Variants in AGAP1 observed in about 807,000 individuals in gnomAD.
The protein encoded by AGAP1 is arf-GAP with GTPase, ANK repeat and PH domain-containing protein 1.
In AGAP1, 29 loss-of-function variants were observed where a neutral mutation model predicts 105.3. That is an observed-to-expected ratio of 0.28 (90% confidence interval 0.21 to 0.38). The LOEUF (loss-of-function observed/expected upper bound fraction) is 0.38. Ranked by LOEUF, AGAP1 falls within the 10% of genes least tolerant of loss-of-function variation. The pLI is 1.00. For synonymous variants in AGAP1, 509 were observed against 485.9 expected (o/e 1.05, Z -0.63); for missense variants, 998 against 1,165.1 (o/e 0.86, Z 2.09).
Position 235,599,259 on chromosome 2 carries a change from G to A in AGAP1, c.163+104410G>A, listed in dbSNP as rs1486347165. ...ACAGCTGTTCATTTCGGTGGCCGAG[G>A]GCCTGTGGGCTGCAGTACGTTTACA... On this transcript the variant is annotated intron_variant, in intron 1 of 17. Transcript: ENST00000304032. This position sits in a 1 kb window ranked among gnomAD's most constrained non-coding sequence, Gnocchi z 5.3. 1.3e-5 allele frequency among the ~76,000 whole-genome samples: 2 copies of A among 152,112 alleles called. No homozygotes were observed. Among genetic ancestry groups the A allele is most frequent in the African/African-American group, 4.8e-5 (2 of 41,412 alleles).
chr2:235,671,432 G>C lies in AGAP1; in HGVS notation c.164-37747G>C, dbSNP rs562639053. On this transcript the variant is annotated intron_variant, in intron 1 of 17. Transcript: ENST00000304032. ...CCGCCCCAGGGAGCCGAGGCTCGCC[G>C]GTCGCCGCCGCACAGGTGCGGCTGC... Among the ~76,000 whole-genome samples the C allele has an allele frequency of 3.9e-3, 590 of 152,290 alleles. 3 individuals carry two copies. The highest frequency in any genetic ancestry group is 0.013 in the African/African-American group (548 of 41,572).
intron 1 of AGAP1, among the ~76,000 whole-genome samples, chr2:235,528,694 G>A (rs926631592): frequency 1.8e-4 from 28 of 152,082 alleles, no homozygotes; most frequent in Admixed American, 1.4e-3. Context: ...TTTGTTTTGA[G>A]AAGACGGAGT....
Position 235,799,509 on chromosome 2 carries a change from C to A in AGAP1, c.944C>A (p.Ser315Tyr). 6.2e-7 allele frequency: 1 copy of A among 1,614,122 alleles called. No individual in the cohort carries two copies. Among genetic ancestry groups the A allele is most frequent in the Non-Finnish European group, 8.5e-7 (1 of 1,179,978 alleles). The change falls in exon 8 of 18, where the codon TCC becomes TAC. Residue 315 changes from serine to tyrosine, a missense_variant. Coordinates refer to ENST00000304032, the MANE Select transcript of AGAP1 (RefSeq NM_001037131.3). The surrounding 1 kb of genome is among the most constrained non-coding windows in gnomAD (Gnocchi z 5.0). Reference sequence around the variant, plus strand: ...GTTCGCAAGCAGTCTAAGCGCCGGTCCAACCTGTTCACCGTGAGTGTCAAC... The same window carrying A: ...GTTCGCAAGCAGTCTAAGCGCCGGTACAACCTGTTCACCGTGAGTGTCAAC... ...TPVRKQSKRR[S>Y]NLFTSRKGSD...
Position 235,578,800 on chromosome 2 carries a change from A to AAT in AGAP1, c.163+83951_163+83952insAT, listed in dbSNP as rs367778173. On this transcript the variant is annotated intron_variant, in intron 1 of 17. Transcript: ENST00000304032. The surrounding 1 kb of genome is among the most constrained non-coding windows in gnomAD (Gnocchi z 4.9). ...ACTCAGTCTCAAAAAAAAAAAAAAA[A>AAT]TTTTTTTTTTACAATAAGCTATTTA... is the stretch of plus-strand genomic sequence containing the variant. Among the ~76,000 whole-genome samples, 347 of 139,784 alleles carry AAT rather than the reference A, an allele frequency of 2.5e-3. 7 individuals are homozygous for AAT. The East Asian group carries it at 0.046, about 19-fold the overall frequency. The allele number at this position is 139,784 out of a possible 152,430, so 91.7% of individuals were successfully genotyped here.
rs1033262797 is a variant in AGAP1, at chr2:235,883,856, G to A, written c.1155+407G>A. ...GAAAAGCTGTGAACAATAATCAGAA[G>A]TCAAATGCAATTCATGACTCAGCTT... is the stretch of plus-strand genomic sequence containing the variant. On this transcript the variant is annotated intron_variant, in intron 10 of 17. Coordinates refer to ENST00000304032, the MANE Select transcript of AGAP1 (RefSeq NM_001037131.3). This position sits in a 1 kb window ranked among gnomAD's most constrained non-coding sequence, Gnocchi z 4.5. 6.6e-6 allele frequency among the ~76,000 whole-genome samples: 1 copy of A among 152,174 alleles called. No homozygotes were observed. Among genetic ancestry groups the A allele is most frequent in the African/African-American group, 2.4e-5 (1 of 41,448 alleles).
chr2:236,063,970 G>A (rs758680162), intron 16 of AGAP1, among the ~76,000 whole-genome samples: 13 of 152,178 alleles, frequency 8.5e-5, no homozygotes, highest in Admixed American at 2.0e-4. Flanking sequence ...AAATGACCCT[G>A]GAGGATACAT....
intron 10 of AGAP1, among the ~76,000 whole-genome samples, chr2:235,898,276 A>G (rs918373125): frequency 2.6e-5 from 4 of 152,168 alleles, no homozygotes; most frequent in Non-Finnish European, 5.9e-5. Flanking sequence ...AGCAAAGGGA[A>G]CGGGGCCTTT....
At position 235,716,492 on chromosome 2, in the gene AGAP1, G is replaced by A. The variant is rs990938909; in HGVS notation, c.223-1065G>A. Among the ~76,000 whole-genome samples the A allele has an allele frequency of 9.9e-5, 15 of 152,144 alleles. No individual in the cohort carries two copies. The highest frequency in any genetic ancestry group is 3.6e-4 in the African/African-American group (15 of 41,420). ...AGGAGGGAGGTCAACAAGTGGAACCGAGAGCAAGCGGGGTGAGTCCCAGCT... is the reference window on the plus strand; with the variant it reads ...AGGAGGGAGGTCAACAAGTGGAACCAAGAGCAAGCGGGGTGAGTCCCAGCT... On this transcript the variant is annotated intron_variant, in intron 2 of 17. Transcript: ENST00000304032. This position sits in a 1 kb window ranked among gnomAD's most constrained non-coding sequence, Gnocchi z 4.0.
At chr2:235,682,551 G>A (rs1949136155) in intron 1 of AGAP1, among the ~76,000 whole-genome samples, 2 of 151,724 alleles carry the variant, frequency 1.3e-5, no homozygotes, top group Non-Finnish European at 2.9e-5. Flanking sequence ...TGCCATGTTG[G>A]CCAGGCTGGT....
At chr2:235,585,631 G>T (rs1031859588) in intron 1 of AGAP1, among the ~76,000 whole-genome samples, 5 of 152,204 alleles carry the variant, frequency 3.3e-5, no homozygotes, top group Non-Finnish European at 7.3e-5. Flanking sequence ...ATCTGCAGGG[G>T]ATAGGTGATT....
intron 1 of AGAP1, among the ~76,000 whole-genome samples, chr2:235,539,251 C>G (rs1174892401): frequency 1.3e-5 from 2 of 152,234 alleles, no homozygotes; most frequent in Admixed American, 6.5e-5. Context: ...TGCAGCTGGA[C>G]TTTTATGATG....
chr2:236,044,449 C>T lies in AGAP1; in HGVS notation c.1891+3608C>T, dbSNP rs937357167. 3.7e-4 allele frequency among the ~76,000 whole-genome samples: 56 copies of T among 152,262 alleles called. 1 individual carries two copies. Among genetic ancestry groups the T allele is most frequent in the African/African-American group, 1.2e-3 (51 of 41,546 alleles). On this transcript the variant is annotated intron_variant, in intron 15 of 17. Coordinates refer to ENST00000304032, the MANE Select transcript of AGAP1 (RefSeq NM_001037131.3). The surrounding 1 kb of genome is among the most constrained non-coding windows in gnomAD (Gnocchi z 5.7). ...CTGCTTTCTCTCTGCCCATCCATGT[C>T]GCCCATGAAGCCCTGGTTGGAGCTG...
chr2:235,821,324 T>C (rs2106286185), intron 9 of AGAP1, among the ~76,000 whole-genome samples: 1 of 152,090 alleles, frequency 6.6e-6, no homozygotes, highest in Admixed American at 6.5e-5. Flanking sequence ...TGGCTTTAAA[T>C]TGGATGAATA....
intron 1 of AGAP1, among the ~76,000 whole-genome samples, chr2:235,680,564 G>C (rs1461140943): frequency 6.6e-6 from 1 of 152,118 alleles, no homozygotes; most frequent in Non-Finnish European, 1.5e-5. Flanking sequence ...GAGGCACCGA[G>C]AGCAGGAGGC....
rs1878155 is a variant in AGAP1, at chr2:235,787,192, G to T, written c.674-10567G>T. Among the ~76,000 whole-genome samples, 36,167 of 152,158 alleles carry T rather than the reference G, an allele frequency of 0.24. 4,921 individuals are homozygous for T. Among genetic ancestry groups the T allele is most frequent in the Admixed American group, 0.39 (5,970 of 15,290 alleles). ...TGTTGTAAGAGTTGAGCTAGCAGGG[G>T]CCGCCTCTACCCTTGGCTGCTGCTT... On this transcript the variant is annotated intron_variant, in intron 6 of 17. Coordinates refer to ENST00000304032, the MANE Select transcript of AGAP1 (RefSeq NM_001037131.3). This position sits in a 1 kb window ranked among gnomAD's most constrained non-coding sequence, Gnocchi z 4.4.
rs2058190932 is a variant in AGAP1 at position 236,061,385 on chromosome 2, C to CA, written c.2114+12109dup. 6.6e-6 allele frequency among the ~76,000 whole-genome samples: 1 copy of CA among 152,152 alleles called. No individual in the cohort carries two copies. The highest frequency in any genetic ancestry group is 2.4e-5 in the African/African-American group (1 of 41,430). ...AGATAAATGAAAACACTTGTCCACA[C>CA]AAAAATGTACACCTGAGTGTTCACA... is the stretch of plus-strand genomic sequence containing the variant. On this transcript the variant is annotated intron_variant, in intron 16 of 17. Coordinates refer to ENST00000304032, the MANE Select transcript of AGAP1 (RefSeq NM_001037131.3). The surrounding 1 kb of genome is among the most constrained non-coding windows in gnomAD (Gnocchi z 4.1).
intron 1 of AGAP1, among the ~76,000 whole-genome samples, chr2:235,681,672 G>A (rs1949080480): frequency 6.6e-6 from 1 of 152,154 alleles, no homozygotes; most frequent in Non-Finnish European, 1.5e-5. Context: ...CATCTGTACT[G>A]TTAGCATTAA....
rs2059691740 is a variant in AGAP1, at chr2:236,113,140, GTTTGT to G, written c.2115-7044_2115-7040del. On this transcript the variant is annotated intron_variant, in intron 16 of 17. Coordinates refer to ENST00000304032, the MANE Select transcript of AGAP1 (RefSeq NM_001037131.3). The surrounding 1 kb of genome is among the most constrained non-coding windows in gnomAD (Gnocchi z 4.3). Reference sequence around the variant, plus strand: ...CATCTTGTTCCACATTAGATATGGAGTTTGTTTTGTTTGTTTTTGAGACGGAGTCT... The same window carrying G: ...CATCTTGTTCCACATTAGATATGGAGTTTGTTTGTTTTTGAGACGGAGTCT... Among the ~76,000 whole-genome samples, 5 of 152,278 alleles carry G rather than the reference GTTTGT, an allele frequency of 3.3e-5. 1 individual carries two copies. The South Asian group carries it at 1.0e-3, about 32-fold the overall frequency.
intron 10 of AGAP1, among the ~76,000 whole-genome samples, chr2:235,902,775 A>G (rs564097191): frequency 2.6e-5 from 4 of 152,328 alleles, no homozygotes; most frequent in South Asian, 4.1e-4. Flanking sequence ...CTGCAAGACA[A>G]CCATCACCCT....
Sources: gnomAD v4.1 joint callset for allele counts (sites outside exome capture counted in the v4.1 genomes callset) on GRCh38, gnomAD v4.1.1 for gene constraint, Gnocchi (gnomAD v3.1) non-coding constraint, MANE v1.5 for transcripts, NCBI Gene and HGNC (gene_info 2026-07-23, HGNC 2026-07-21) for gene names.